PRELID2: variants seen among roughly 807,000 people sequenced by gnomAD.
PRELID2 encodes the protein PRELI domain-containing protein 2.
A neutral mutation model predicts 28.4 loss-of-function variants in PRELID2; 25 were observed. The ratio of observed to expected loss-of-function variants is 0.88; its 90% confidence interval spans 0.64 to 1.23. The LOEUF (loss-of-function observed/expected upper bound fraction) is 1.23. Ranked by LOEUF, PRELID2 falls within the 50% of genes most tolerant of loss-of-function variation. The probability of loss-of-function intolerance (pLI) is 0.00; values close to 1 mark genes in which losing one functional copy is unlikely to be tolerated. For missense variants in PRELID2, 201 were observed against 214.4 expected (o/e 0.94, Z 0.39); for synonymous variants, 76 against 71.6 (o/e 1.06, Z -0.31).
intron 1 of PRELID2, among the ~76,000 whole-genome samples, chr5:145,652,510 G>C (rs1006148951): frequency 2.0e-4 from 30 of 152,218 alleles, no homozygotes; most frequent in African/African-American, 9.6e-5. Context: ...GAAAGGTCGG[G>C]TTACCCACAA....
rs772261992 is a variant in PRELID2 at position 145,723,350 on chromosome 5, T to C, written n.70+41581A>G. Among the ~76,000 whole-genome samples, 5 of 152,216 alleles carry C rather than the reference T, an allele frequency of 3.3e-5. 1 individual carries two copies. The South Asian group carries it at 6.2e-4, about 19-fold the overall frequency. On this transcript the variant is annotated intron_variant and non_coding_transcript_variant, in intron 1 of 2. Transcript: ENST00000510259. ...TGCAAGACTTGTACCAAATATCCTA[T>C]TGGGTGCACAGACCAGGACTATTCA...
chr5:145,395,992 C>T, the PRELID2 span, among the ~76,000 whole-genome samples: 3 of 152,154 alleles, frequency 2.0e-5, no homozygotes, highest in Non-Finnish European at 2.9e-5. Flanking sequence ...TCTTCACTTG[C>T]CTGAATTGTT....
the PRELID2 span, among the ~76,000 whole-genome samples, chr5:145,305,937 G>C: frequency 2.0e-5 from 3 of 152,170 alleles, no homozygotes; most frequent in Admixed American, 2.0e-4. Context: ...ATGCTGTAGG[G>C]TATGACAGGA....
chr5:145,666,538 T>C (rs997798521), intron 1 of PRELID2, among the ~76,000 whole-genome samples: 12 of 152,048 alleles, frequency 7.9e-5, no homozygotes, highest in African/African-American at 2.9e-4. Context: ...TTTGAGTTTA[T>C]TTGCATCTTT....
chr5:145,604,871 T>G (rs1753475283), intron 1 of PRELID2, among the ~76,000 whole-genome samples: 1 of 111,576 alleles, frequency 9.0e-6, no homozygotes, highest in Admixed American at 1.1e-4. Context: ...TATTTTAATA[T>G]GCTTGTTGGC....
the PRELID2 span, among the ~76,000 whole-genome samples, chr5:145,371,157 A>T: frequency 6.6e-6 from 1 of 152,146 alleles, no homozygotes; most frequent in South Asian, 2.1e-4. Context: ...TATATTGAAT[A>T]GCAGTGGTGA....
At chr5:145,673,737 G>C (rs780677109) in intron 1 of PRELID2, among the ~76,000 whole-genome samples, 4 of 151,934 alleles carry the variant, frequency 2.6e-5, no homozygotes, top group Non-Finnish European at 5.9e-5. Context: ...AGTAAAAAAT[G>C]GATCTATAAA....
intron 5 of PRELID2, among the ~76,000 whole-genome samples, chr5:145,770,739 A>G (rs1425019783): frequency 6.6e-6 from 1 of 152,244 alleles, no homozygotes; most frequent in Non-Finnish European, 1.5e-5. Flanking sequence ...TTCAAAAAGT[A>G]AAAATTAAAA....
At chr5:145,409,837 G>A in the PRELID2 span, among the ~76,000 whole-genome samples, 1 of 150,324 alleles carries the variant, frequency 6.7e-6, no homozygotes, top group Non-Finnish European at 1.5e-5. Context: ...AACCAAAAAA[G>A]TGCCTGCATA....
chr5:145,729,040 A>G (rs1253983770), intron 1 of PRELID2: 2 of 647,128 alleles, frequency 3.1e-6, no homozygotes, highest in Non-Finnish European at 5.6e-6. Context: ...AATGTGAAAT[A>G]CTACATAATA....
At chr5:145,616,923 C>T (rs565682308) in intron 1 of PRELID2, among the ~76,000 whole-genome samples, 51 of 152,064 alleles carry the variant, frequency 3.4e-4, no homozygotes, top group African/African-American at 8.5e-4. Context: ...CCATAAAAGA[C>T]GGCCACCCCC....
the PRELID2 span, among the ~76,000 whole-genome samples, chr5:145,231,937 T>C: frequency 6.6e-6 from 1 of 152,264 alleles, no homozygotes; most frequent in South Asian, 2.1e-4. Flanking sequence ...TTACTCTGCT[T>C]GGATGTTGCT....
the PRELID2 span, among the ~76,000 whole-genome samples, chr5:145,407,144 G>A: frequency 6.6e-6 from 1 of 152,176 alleles, no homozygotes; most frequent in Non-Finnish European, 1.5e-5. Flanking sequence ...AGCTGATAGT[G>A]CAGATAGGTA....
At chr5:145,370,342 G>A in the PRELID2 span, among the ~76,000 whole-genome samples, 3 of 151,972 alleles carry the variant, frequency 2.0e-5, no homozygotes, top group Non-Finnish European at 4.4e-5. Flanking sequence ...TCTGCATATG[G>A]CTAGCCAGTT....
chr5:145,498,007 G>A (rs1752323270), intron 1 of PRELID2, among the ~76,000 whole-genome samples: 1 of 152,140 alleles, frequency 6.6e-6, no homozygotes, highest in African/African-American at 2.4e-5. Context: ...TCCACTGTTA[G>A]GTTAAACTAG....
chr5:145,412,541 C>T, the PRELID2 span, among the ~76,000 whole-genome samples: 61 of 152,308 alleles, frequency 4.0e-4, no homozygotes, highest in Middle Eastern at 3.4e-3. Flanking sequence ...CAAACTTTCC[C>T]ACATCTTCCT....
intron 1 of PRELID2, among the ~76,000 whole-genome samples, chr5:145,602,061 G>A (rs1296217957): frequency 3.9e-5 from 6 of 152,126 alleles, no homozygotes; most frequent in Non-Finnish European, 7.3e-5. Context: ...CTGGCACTGC[G>A]GACCTGTCAT....
intron 1 of PRELID2, among the ~76,000 whole-genome samples, chr5:145,662,629 A>C (rs1181457150): frequency 1.3e-5 from 2 of 152,046 alleles, no homozygotes; most frequent in African/African-American, 2.4e-5. Flanking sequence ...CTTATGGATT[A>C]ATGGGTTAAT....
At chr5:145,710,730 G>A (rs1241781345) in intron 1 of PRELID2, among the ~76,000 whole-genome samples, 1 of 152,182 alleles carries the variant, frequency 6.6e-6, no homozygotes, top group Non-Finnish European at 1.5e-5. Flanking sequence ...ATGTCGCTGA[G>A]GCTCACGCCA....
Sources: gnomAD v4.1 joint callset for allele counts (sites outside exome capture counted in the v4.1 genomes callset) on GRCh38, gnomAD v4.1.1 for gene constraint, MANE v1.5 for transcripts, NCBI Gene and HGNC (gene_info 2026-07-23, HGNC 2026-07-21) for gene names.